Variants in MGAT4C observed in about 807,000 individuals in gnomAD.
MGAT4C encodes MGAT4 family member C, also known as alpha-1,3-mannosyl-glycoprotein 4-beta-N-acetylglucosaminyltransferase C.
Under a neutral mutation model 40.1 loss-of-function variants are expected in MGAT4C, and 19 were observed. The ratio of observed to expected loss-of-function variants is 0.47; its 90% CI spans 0.33 to 0.70. MGAT4C has a LOEUF of 0.70. Among genes scored for constraint, MGAT4C ranks in the 30% least tolerant of loss-of-function variants. The probability of loss-of-function intolerance (pLI) is 0.02; values close to 1 mark genes in which losing one functional copy is unlikely to be tolerated. For synonymous variants in MGAT4C, 181 were observed against 187.1 expected (o/e 0.97, Z 0.27); for missense variants, 491 against 563.2 (o/e 0.87, Z 1.30).
chr12:86,210,858 T>C (rs1028863231), intron 1 of MGAT4C, among the ~76,000 whole-genome samples: 1 of 152,148 alleles, frequency 6.6e-6, no homozygotes, highest in Non-Finnish European at 1.5e-5. Context: ...ATTTGACAGA[T>C]AGTTGATAAC....
At chr12:86,007,220 T>C (rs1028503027) in intron 2 of MGAT4C, among the ~76,000 whole-genome samples, 32 of 152,284 alleles carry the variant, frequency 2.1e-4, no homozygotes, top group Non-Finnish European at 4.3e-4. Flanking sequence ...CATGAAAGAC[T>C]GCAATATTTT....
chr12:85,993,058 C>G (rs928481531), intron 2 of MGAT4C, among the ~76,000 whole-genome samples: 6 of 152,172 alleles, frequency 3.9e-5, no homozygotes, highest in Non-Finnish European at 5.9e-5. Flanking sequence ...ATAACAGATG[C>G]CTGGTGAATA....
intron 1 of MGAT4C, among the ~76,000 whole-genome samples, chr12:86,181,602 A>G (rs180675920): frequency 6.6e-6 from 1 of 152,312 alleles, no homozygotes. Flanking sequence ...TTAACAACTT[A>G]TGTAAGCAAT....
chr12:86,817,389 T>C (rs1952626918), intron 1 of MGAT4C, among the ~76,000 whole-genome samples: 1 of 151,614 alleles, frequency 6.6e-6, no homozygotes, highest in Non-Finnish European at 1.5e-5. Flanking sequence ...TCATATTGTT[T>C]CTTTAGTAAT....
chr12:86,108,116 C>G (rs1360341475), intron 1 of MGAT4C, among the ~76,000 whole-genome samples: 1 of 152,066 alleles, frequency 6.6e-6, no homozygotes, highest in Admixed American at 6.6e-5. Flanking sequence ...CTCCTATTCA[C>G]TGAACAAACT....
Position 85,980,081 on chromosome 12 carries a change from A to T in MGAT4C, c.645T>A (p.Asn215Lys). Reference sequence around the variant, plus strand: ...CAAGCATTACATAATAGTCTGAAGTATTGGCACAAAAATTAAGCAGAAAAG... The same window carrying T: ...CAAGCATTACATAATAGTCTGAAGTTTTGGCACAAAAATTAAGCAGAAAAG... ...DYAFLLNFCA[N>K]TSDYYVMLED... The change falls in exon 5 of 5, where the codon AAT becomes AAA. Residue 215 changes from asparagine to lysine, a missense_variant. By Grantham distance (94) the Asn-to-Lys change is moderately conservative (BLOSUM62 0). Coordinates refer to ENST00000611864, the MANE Select transcript of MGAT4C (RefSeq NM_001351288.2). The T allele has an allele frequency of 6.2e-7, 1 of 1,613,834 alleles. No homozygotes were observed.
chr12:86,134,357 G>C (rs1342874052), intron 1 of MGAT4C, among the ~76,000 whole-genome samples: 2 of 151,980 alleles, frequency 1.3e-5, no homozygotes, highest in Non-Finnish European at 2.9e-5. Flanking sequence ...AGCTAATATA[G>C]ATTTCAAGTT....
chr12:86,455,613 G>T (rs1957496328), intron 2 of MGAT4C, among the ~76,000 whole-genome samples: 1 of 152,048 alleles, frequency 6.6e-6, no homozygotes, highest in South Asian at 2.1e-4. Context: ...CAAAAACACA[G>T]AAGTCCCACA....
intron 1 of MGAT4C, among the ~76,000 whole-genome samples, chr12:86,095,006 C>T (rs533160547): frequency 6.6e-6 from 1 of 152,246 alleles, no homozygotes; most frequent in African/African-American, 2.4e-5. Context: ...TCCCAATATC[C>T]ATTCTCCCCT....
intron 1 of MGAT4C, among the ~76,000 whole-genome samples, chr12:86,124,324 C>T (rs1369990880): frequency 6.6e-6 from 1 of 152,048 alleles, no homozygotes; most frequent in Non-Finnish European, 1.5e-5. Context: ...GGATAGATTA[C>T]TTAAAAACAT....
chr12:86,774,452 C>A (rs73179394), intron 1 of MGAT4C, among the ~76,000 whole-genome samples: 3,318 of 144,758 alleles, frequency 0.023, 96 homozygotes, highest in South Asian at 0.049. Flanking sequence ...TAGCCATGCA[C>A]CTAAACATAG....
intron 1 of MGAT4C, among the ~76,000 whole-genome samples, chr12:86,230,307 A>T (rs1951261144): frequency 6.6e-6 from 1 of 152,130 alleles, no homozygotes; most frequent in Non-Finnish European, 1.5e-5. Context: ...TTTTAGAATG[A>T]ATGGATGCCA....
chr12:86,615,451 G>A (rs1464134255), intron 2 of MGAT4C, among the ~76,000 whole-genome samples: 3 of 151,960 alleles, frequency 2.0e-5, no homozygotes, highest in Non-Finnish European at 4.4e-5. Flanking sequence ...GGTGATAAAA[G>A]TAACTAACAA....
intron 2 of MGAT4C, among the ~76,000 whole-genome samples, chr12:86,585,899 T>C (rs1340200766): frequency 6.6e-6 from 1 of 151,376 alleles, no homozygotes; most frequent in Non-Finnish European, 1.5e-5. Flanking sequence ...AACATACATC[T>C]TCTTGAATTT....
intron 3 of MGAT4C, among the ~76,000 whole-genome samples, chr12:86,405,770 G>A (rs1212084907): frequency 6.6e-6 from 1 of 151,230 alleles, no homozygotes; most frequent in Non-Finnish European, 1.5e-5. Flanking sequence ...AAAATAGTTT[G>A]ATGGACCAGA....
intron 3 of MGAT4C, among the ~76,000 whole-genome samples, chr12:86,429,329 A>G (rs940186329): frequency 6.6e-6 from 1 of 152,140 alleles, no homozygotes; most frequent in South Asian, 2.1e-4. Context: ...AATATACTTG[A>G]TATAATTTAT....
intron 2 of MGAT4C, among the ~76,000 whole-genome samples, chr12:86,591,842 C>T (rs1961344238): frequency 6.6e-6 from 1 of 151,732 alleles, no homozygotes; most frequent in Non-Finnish European, 1.5e-5. Context: ...AAATTGTTTA[C>T]TTATCTATAG....
chr12:86,623,540 G>T (rs1429376152), intron 2 of MGAT4C, among the ~76,000 whole-genome samples: 2 of 152,022 alleles, frequency 1.3e-5, no homozygotes, highest in Non-Finnish European at 2.9e-5. Context: ...ATATTTTAAA[G>T]AACTGACAGA....
chr12:86,435,626 C>T, intron 2 of MGAT4C, among the ~76,000 whole-genome samples: 1 of 151,852 alleles, frequency 6.6e-6, no homozygotes, highest in Non-Finnish European at 1.5e-5. Flanking sequence ...TATTTATGTA[C>T]TAATGAGATA....
Sources: allele counts gnomAD v4.1 joint callset (sites outside exome capture counted in the v4.1 genomes callset), GRCh38; gene constraint gnomAD v4.1.1; transcripts MANE v1.5; gene names NCBI Gene and HGNC (gene_info 2026-07-23, HGNC 2026-07-21).